The following GCNT1 variants were observed in gnomAD, a reference collection of about 807,000 sequenced individuals.
GCNT1 encodes beta-1,3-galactosyl-O-glycosyl-glycoprotein beta-1,6-N-acetylglucosaminyltransferase.
Under a neutral mutation model 26.2 loss-of-function variants are expected in GCNT1, and 16 were observed. The observed-to-expected ratio is 0.61, with a 90% CI of 0.41 to 0.93. GCNT1 has a LOEUF of 0.93. GCNT1 is among the 40% of genes least tolerant of loss of function. The pLI, the probability that GCNT1 is intolerant of heterozygous loss-of-function variation, is 0.00. For missense variants in GCNT1, 477 were observed against 526.7 expected (o/e 0.91, Z 0.92); for synonymous variants, 183 against 190.8 (o/e 0.96, Z 0.34).
chr9:76,489,473 C>T (rs528765515), intron 2 of GCNT1, among the ~76,000 whole-genome samples: 147 of 152,286 alleles, frequency 9.7e-4, no homozygotes, highest in Admixed American at 2.4e-3. Context: ...GAGACCCCAG[C>T]GGGTTGCCAC....
intron 1 of GCNT1, among the ~76,000 whole-genome samples, chr9:76,454,145 C>A (rs959984984): frequency 6.6e-6 from 1 of 151,794 alleles, no homozygotes; most frequent in Non-Finnish European, 1.5e-5. Flanking sequence ...CTCTGAGAGG[C>A]CAAGGTGGGA....
chr9:76,451,439 G>C (rs117851504), intron 1 of GCNT1, among the ~76,000 whole-genome samples: 3 of 152,288 alleles, frequency 2.0e-5, no homozygotes, highest in Non-Finnish European at 4.4e-5. Context: ...TACATGGGGT[G>C]AGTCAGGGAC....
At chr9:76,418,155 G>A (rs1359294548), upstream of GCNT1, among the ~76,000 whole-genome samples, 1 of 152,092 alleles carries the variant, frequency 6.6e-6, no homozygotes, top group Non-Finnish European at 1.5e-5. Context: ...GGGGAGGAGG[G>A]GTTCCAGGTT....
chr9:76,479,911 A>C (rs2131614630), intron 2 of GCNT1, among the ~76,000 whole-genome samples: 1 of 152,234 alleles, frequency 6.6e-6, no homozygotes, highest in African/African-American at 2.4e-5. Flanking sequence ...TTGGTGTTTT[A>C]GACATGAAGT....
At chr9:76,409,429 A>G in the GCNT1 span, among the ~76,000 whole-genome samples, 1 of 151,852 alleles carries the variant, frequency 6.6e-6, no homozygotes, top group African/African-American at 2.4e-5. Context: ...TTCTGTTTTT[A>G]TTTTTATTGA....
At chr9:76,431,260 G>A (rs1165328250) in intron 1 of GCNT1, among the ~76,000 whole-genome samples, 3 of 152,074 alleles carry the variant, frequency 2.0e-5, no homozygotes, top group Non-Finnish European at 4.4e-5. Flanking sequence ...CACAAGGTAA[G>A]GCTCAATCCT....
At chr9:76,485,979 G>T (rs1824563212) in intron 2 of GCNT1, among the ~76,000 whole-genome samples, 1 of 152,198 alleles carries the variant, frequency 6.6e-6, no homozygotes, top group South Asian at 2.1e-4. Context: ...TGATCTGCCT[G>T]CCTCGGCCTC....
chr9:76,493,958 G>A (rs181725351), intron 2 of GCNT1, among the ~76,000 whole-genome samples: 1 of 152,154 alleles, frequency 6.6e-6, no homozygotes, highest in Admixed American at 6.5e-5. Context: ...CTTTTTCAGG[G>A]TTTGCAGGTC....
rs2131658030 is a variant in GCNT1 at position 76,507,386 on chromosome 9, T to C, written c.*3718T>C. The C allele has an allele frequency of 6.0e-6, 1 of 166,920 alleles. No homozygotes were observed. The highest frequency in any genetic ancestry group is 2.4e-5 in the African/African-American group (1 of 41,574). The allele number at this position is 166,920 out of a possible 1,614,324, so 10.3% of individuals were successfully genotyped here. On this transcript the variant is annotated 3_prime_UTR_variant, in exon 4 of 4. Coordinates refer to ENST00000376730, the MANE Select transcript of GCNT1 (RefSeq NM_001490.5). Reference sequence around the variant, plus strand: ...AGAATGCAGTTAGAATCAGTTCATATCACCATTAAAATCATCCATTCAGAA... The same window carrying C: ...AGAATGCAGTTAGAATCAGTTCATACCACCATTAAAATCATCCATTCAGAA...
At chr9:76,477,284 T>C (rs948550902) in intron 2 of GCNT1, among the ~76,000 whole-genome samples, 2 of 149,728 alleles carry the variant, frequency 1.3e-5, no homozygotes, top group African/African-American at 4.9e-5. Flanking sequence ...TCCCAGCACT[T>C]TGGGAGGCCG....
intron 2 of GCNT1, among the ~76,000 whole-genome samples, chr9:76,466,353 G>A (rs1266731942): frequency 6.6e-6 from 1 of 152,234 alleles, no homozygotes; most frequent in Non-Finnish European, 1.5e-5. Flanking sequence ...CCAGGCTGGA[G>A]TGCAGTGGCA....
chr9:76,454,884 T>C (rs926612387), upstream of GCNT1, among the ~76,000 whole-genome samples: 66 of 140,370 alleles, frequency 4.7e-4, no homozygotes, highest in African/African-American at 1.7e-3. Flanking sequence ...AGTCTCACTC[T>C]GTCGCCAGGC....
intron 1 of GCNT1, among the ~76,000 whole-genome samples, chr9:76,429,686 T>C (rs1174058461): frequency 6.6e-6 from 1 of 150,952 alleles, no homozygotes; most frequent in African/African-American, 2.4e-5. Flanking sequence ...CCCTAATGAA[T>C]AGAAGGTTTT....
Position 76,504,451 on chromosome 9 carries a change from C to T in GCNT1, c.*783C>T. Reference sequence around the variant, plus strand: ...TAGAGATTTGCCTCTATCTTCCTTTCCTCAGTCTTCCCAGACTGCTATCAA... The same window carrying T: ...TAGAGATTTGCCTCTATCTTCCTTTTCTCAGTCTTCCCAGACTGCTATCAA... On this transcript the variant is annotated 3_prime_UTR_variant, in exon 4 of 4. Transcript: ENST00000376730. 1 of 266,194 alleles carries T rather than the reference C, an allele frequency of 3.8e-6. No individual in the cohort carries two copies. Among genetic ancestry groups the T allele is most frequent in the Non-Finnish European group, 7.5e-6 (1 of 133,408 alleles). The allele number at this position is 266,194 out of a possible 1,614,324, so 16.5% of individuals were successfully genotyped here. A position where few individuals can be genotyped will look rare whatever the true frequency, so the allele number is the denominator to read the frequency against.
intron 1 of GCNT1, among the ~76,000 whole-genome samples, chr9:76,421,696 T>G (rs865824107): frequency 7.2e-6 from 1 of 138,130 alleles, no homozygotes; most frequent in Non-Finnish European, 1.6e-5. Context: ...GTTGTTTTTT[T>G]TTTTTTTTTT....
At chr9:76,495,226 C>T (rs975795526) in intron 2 of GCNT1, among the ~76,000 whole-genome samples, 2 of 152,106 alleles carry the variant, frequency 1.3e-5, no homozygotes, top group African/African-American at 4.8e-5. Flanking sequence ...AGAATAAAGC[C>T]GCGGACCTTT....
chr9:76,480,267 A>G (rs1045714822), intron 2 of GCNT1, among the ~76,000 whole-genome samples: 7 of 152,030 alleles, frequency 4.6e-5, no homozygotes, highest in Admixed American at 2.0e-4. Context: ...GCCTTGTAGC[A>G]TAGTTTGAAG....
At chr9:76,458,816 A>C (rs888771911), upstream of GCNT1, among the ~76,000 whole-genome samples, 3 of 152,246 alleles carry the variant, frequency 2.0e-5, no homozygotes, top group African/African-American at 7.2e-5. Context: ...TAAACTTTAC[A>C]TATCGAGAAC....
At chr9:76,483,064 T>G (rs1824465586) in intron 2 of GCNT1, among the ~76,000 whole-genome samples, 1 of 152,190 alleles carries the variant, frequency 6.6e-6, no homozygotes, top group Admixed American at 6.5e-5. Flanking sequence ...ATATTTGTAT[T>G]ACAATGTAAT....
Sources: gnomAD v4.1 joint callset for allele counts (sites outside exome capture counted in the v4.1 genomes callset) on GRCh38, gnomAD v4.1.1 for gene constraint, MANE v1.5 for transcripts, NCBI Gene and HGNC (gene_info 2026-07-23, HGNC 2026-07-21) for gene names.